The following SEMA6D variants were observed in gnomAD, a reference collection of about 807,000 sequenced individuals.
The protein encoded by SEMA6D is semaphorin 6D, also known as semaphorin-6D.
In SEMA6D, 35 loss-of-function variants were observed where a neutral mutation model predicts 106.6. The observed-to-expected ratio is 0.33, with a 90% CI of 0.25 to 0.44. The LOEUF (loss-of-function observed/expected upper bound fraction) is 0.44, where lower values mean the gene tolerates loss of function less well. Among genes scored for constraint, SEMA6D ranks in the 20% least tolerant of loss-of-function variants. The pLI is 1.00. For missense variants in SEMA6D, 1,185 were observed against 1,345.9 expected, an observed-to-expected ratio of 0.88 and a Z score of 1.87; for synonymous variants, 499 against 487.7, an observed-to-expected ratio of 1.02 and a Z score of -0.31.
chr15:47,762,131 A>G (rs1250603994), intron 7 of SEMA6D, 69 bp from the exon 8 acceptor site: 1 of 1,588,546 alleles, frequency 6.3e-7, no homozygotes, highest in Non-Finnish European at 8.6e-7. Flanking sequence ...AGGGCATAAC[A>G]CGCTGCCAAA....
chr15:47,763,027 C>G lies in SEMA6D; in HGVS notation c.670C>G (p.Leu224Val), dbSNP rs1291477813. 1 of 1,610,128 alleles carries G rather than the reference C, an allele frequency of 6.2e-7. No individual in the cohort carries two copies. ...AATTTTTCTTTCAGAGCCACACTTTCTTCATGCCATAGAATATGGAAACTA... is the reference window on the plus strand; with the variant it reads ...AATTTTTCTTTCAGAGCCACACTTTGTTCATGCCATAGAATATGGAAACTA... The part of the protein sequence containing the change: ...DSKWIKEPHF[L>V]HAIEYGNYVY... The change falls in exon 9 of 19, where the codon CTT (leucine) becomes GTT (valine). Residue 224 changes from leucine to valine, a missense_variant. Transcript: ENST00000536845.
At chr15:47,197,917 T>C (rs1224589756) in intron 1 of SEMA6D, among the ~76,000 whole-genome samples, 1 of 152,164 alleles carries the variant, frequency 6.6e-6, no homozygotes, top group African/African-American at 2.4e-5. Context: ...TGTAAACTAA[T>C]AATAATTTTT....
intron 1 of SEMA6D, among the ~76,000 whole-genome samples, chr15:47,378,842 T>C (rs1171158897): frequency 6.6e-6 from 1 of 152,222 alleles, no homozygotes; most frequent in African/African-American, 2.4e-5. Context: ...CCTAAGTTTA[T>C]ATCTTGCTTT....
At chr15:47,514,525 C>T (rs1435738) in intron 3 of SEMA6D, among the ~76,000 whole-genome samples, 15,507 of 152,182 alleles carry the variant, frequency 0.1, 1,088 homozygotes, top group East Asian at 0.33. Context: ...CTTTTTTCAG[C>T]GGCTTTAGTC....
intron 1 of SEMA6D, among the ~76,000 whole-genome samples, chr15:47,252,111 G>T (rs1368831072): frequency 2.0e-5 from 3 of 150,458 alleles, no homozygotes; most frequent in East Asian, 1.9e-4. Context: ...TAGAGACGGG[G>T]TTTCACCGTG....
intron 1 of SEMA6D, among the ~76,000 whole-genome samples, chr15:47,731,233 T>C (rs990508294): frequency 1.3e-5 from 2 of 152,148 alleles, no homozygotes; most frequent in African/African-American, 4.8e-5. Context: ...TAATTGCACC[T>C]CATTCAGCTC....
chr15:47,637,334 A>G (rs1284823320), intron 4 of SEMA6D, among the ~76,000 whole-genome samples: 3 of 152,156 alleles, frequency 2.0e-5, no homozygotes, highest in Non-Finnish European at 4.4e-5. Flanking sequence ...TTTTCTACCC[A>G]TGTTTCGTTC....
At chr15:47,410,439 G>A (rs1046556873) in intron 1 of SEMA6D, among the ~76,000 whole-genome samples, 2 of 152,160 alleles carry the variant, frequency 1.3e-5, no homozygotes, top group African/African-American at 4.8e-5. Flanking sequence ...GGCAGTTTCT[G>A]ATTTGTAAGA....
Position 47,438,667 on chromosome 15 carries a change from C to G in SEMA6D, c.-159+26195C>G, listed in dbSNP as rs991999152. Reference sequence around the variant, plus strand: ...TTCCACAGATGGCTAGCTCCCTCATCTCCTATAGGTTTGCTCAGATATCAC... The same window carrying G: ...TTCCACAGATGGCTAGCTCCCTCATGTCCTATAGGTTTGCTCAGATATCAC... On this transcript the variant is annotated intron_variant, in intron 2 of 19. Coordinates refer to the SEMA6D transcript ENST00000558014. Among the ~76,000 whole-genome samples the G allele has an allele frequency of 2.6e-5, 4 of 151,872 alleles. No individual in the cohort carries two copies. The East Asian group carries it at 5.9e-4, about 22-fold the overall frequency.
chr15:47,706,877 G>A (rs919052378), intron 4 of SEMA6D, among the ~76,000 whole-genome samples: 90 of 152,182 alleles, frequency 5.9e-4, no homozygotes, highest in African/African-American at 2.0e-3. Context: ...TGTCCTGAAC[G>A]TACTGCTACC....
intron 3 of SEMA6D, among the ~76,000 whole-genome samples, chr15:47,512,431 G>T (rs2044261167): frequency 6.6e-6 from 1 of 152,222 alleles, no homozygotes; most frequent in Admixed American, 6.5e-5. Context: ...AGGAGGCAAT[G>T]AGTGTAAAGG....
At chr15:47,630,502 T>G (rs1762508500) in intron 4 of SEMA6D, among the ~76,000 whole-genome samples, 1 of 151,802 alleles carries the variant, frequency 6.6e-6, no homozygotes, top group African/African-American at 2.4e-5. Context: ...ATAGATTTTT[T>G]TTGAGATTTT....
chr15:47,201,023 G>A (rs549005287), intron 1 of SEMA6D, among the ~76,000 whole-genome samples: 1 of 152,306 alleles, frequency 6.6e-6, no homozygotes, highest in South Asian at 2.1e-4. Flanking sequence ...ATTCAAGGTG[G>A]TCTCTGTCTT....
intron 4 of SEMA6D, among the ~76,000 whole-genome samples, chr15:47,698,847 C>T (rs539654928): frequency 6.6e-6 from 1 of 152,162 alleles, no homozygotes; most frequent in East Asian, 1.9e-4. Context: ...ACTTACTTGC[C>T]TCCCATGAAC....
At chr15:47,306,738 A>G (rs1030676504) in intron 1 of SEMA6D, among the ~76,000 whole-genome samples, 13 of 152,258 alleles carry the variant, frequency 8.5e-5, no homozygotes, top group Admixed American at 3.9e-4. Flanking sequence ...ATAAAACCAT[A>G]TATTGATACA....
intron 1 of SEMA6D, among the ~76,000 whole-genome samples, chr15:47,278,898 A>G (rs889049038): frequency 8.9e-5 from 13 of 146,070 alleles, no homozygotes; most frequent in African/African-American, 3.1e-4. Context: ...TGTTTTTCTC[A>G]GGTTTGTCAG....
At chr15:47,681,157 A>G (rs2078345007) in intron 4 of SEMA6D, among the ~76,000 whole-genome samples, 1 of 152,262 alleles carries the variant, frequency 6.6e-6, no homozygotes, top group African/African-American at 2.4e-5. Flanking sequence ...AGCATTAGTC[A>G]CAATAGCCAA....
intron 1 of SEMA6D, among the ~76,000 whole-genome samples, chr15:47,392,621 C>G (rs1324076744): frequency 1.3e-5 from 2 of 152,096 alleles, no homozygotes; most frequent in African/African-American, 4.8e-5. Context: ...GGAACACAGC[C>G]CTGCTGACAT....
chr15:47,658,319 A>G (rs1221801543), intron 4 of SEMA6D, among the ~76,000 whole-genome samples: 11 of 152,184 alleles, frequency 7.2e-5, no homozygotes, highest in African/African-American at 2.7e-4. Flanking sequence ...TTAGAGGTAG[A>G]AACCTATGTG....
Sources: allele counts gnomAD v4.1 joint callset (sites outside exome capture counted in the v4.1 genomes callset), GRCh38; gene constraint gnomAD v4.1.1; transcripts MANE v1.5; gene names NCBI Gene and HGNC (gene_info 2026-07-23, HGNC 2026-07-21).